Variants in PTPRT observed in about 807,000 individuals in gnomAD.
PTPRT encodes the protein receptor-type tyrosine-protein phosphatase T.
In PTPRT, 56 loss-of-function variants were observed where a neutral mutation model predicts 176.8. That is an observed-to-expected ratio of 0.32 (90% confidence interval 0.26 to 0.40). The LOEUF (loss-of-function observed/expected upper bound fraction) is 0.40. PTPRT is among the 10% of genes least tolerant of loss of function. The probability of loss-of-function intolerance (pLI) is 1.00; values close to 1 mark genes in which losing one functional copy is unlikely to be tolerated. For missense variants in PTPRT, 1,540 were observed against 1,908.2 expected (o/e 0.81, Z 3.60); for synonymous variants, 783 against 739.0 (o/e 1.06, Z -0.96).
intron 2 of PTPRT, among the ~76,000 whole-genome samples, chr20:42,841,748 T>C (rs1201425920): frequency 1.3e-5 from 2 of 152,210 alleles, no homozygotes; most frequent in Non-Finnish European, 2.9e-5. Context: ...AAGTTTGTGG[T>C]AACTATTACA....
At chr20:42,199,529 C>T in intron 15 of PTPRT, 141 bp from the exon 16 acceptor site, 1 of 973,506 alleles carries the variant, frequency 1.0e-6, no homozygotes, top group Non-Finnish European at 1.5e-6. Context: ...CAAGGCAGAA[C>T]AAACCATGAA....
At chr20:42,178,937 TA>T (rs1990405996) in intron 16 of PTPRT, among the ~76,000 whole-genome samples, 1 of 152,110 alleles carries the variant, frequency 6.6e-6, no homozygotes, top group Admixed American at 6.5e-5. Context: ...GCACCCAAGA[TA>T]AAAGCCACAG....
intron 2 of PTPRT, among the ~76,000 whole-genome samples, chr20:42,834,687 G>T (rs576140024): frequency 6.6e-6 from 1 of 151,898 alleles, no homozygotes; most frequent in African/African-American, 2.4e-5. Context: ...TTAATTCACC[G>T]TACCCCACCA....
chr20:42,585,310 A>G (rs1173068873), intron 7 of PTPRT, among the ~76,000 whole-genome samples: 3 of 152,196 alleles, frequency 2.0e-5, no homozygotes, highest in Non-Finnish European at 2.9e-5. Context: ...TGTTATTGAA[A>G]GGCTATTGAC....
At chr20:42,335,054 A>T (rs1447466108) in intron 11 of PTPRT, among the ~76,000 whole-genome samples, 2 of 152,220 alleles carry the variant, frequency 1.3e-5, no homozygotes, top group African/African-American at 4.8e-5. Context: ...GAGGTACCAC[A>T]TGTGATGAGA....
At chr20:42,586,788 A>G (rs1326836360) in intron 7 of PTPRT, among the ~76,000 whole-genome samples, 2 of 152,202 alleles carry the variant, frequency 1.3e-5, no homozygotes, top group East Asian at 3.9e-4. Context: ...GCTGAATAAT[A>G]GTTTGCTGGA....
At chr20:43,060,749 C>A (rs1363447340) in intron 1 of PTPRT, among the ~76,000 whole-genome samples, 1 of 152,146 alleles carries the variant, frequency 6.6e-6, no homozygotes, top group East Asian at 1.9e-4. Flanking sequence ...AGAAGCTCAA[C>A]ACAAAATGTT....
chr20:42,759,610 G>A (rs2076886447), intron 5 of PTPRT, among the ~76,000 whole-genome samples: 1 of 152,196 alleles, frequency 6.6e-6, no homozygotes, highest in Non-Finnish European at 1.5e-5. Flanking sequence ...GCATAGCAAG[G>A]ATGTGTGCAC....
chr20:42,857,663 G>T (rs1001494401), intron 2 of PTPRT, among the ~76,000 whole-genome samples: 3 of 152,184 alleles, frequency 2.0e-5, no homozygotes, highest in African/African-American at 4.8e-5. Context: ...TCTCCTCTCA[G>T]CTGGGCTGCC....
At chr20:42,475,724 G>A (rs756072756) in intron 7 of PTPRT, among the ~76,000 whole-genome samples, 5 of 152,228 alleles carry the variant, frequency 3.3e-5, no homozygotes, top group African/African-American at 4.8e-5. Flanking sequence ...AAAGCTGACC[G>A]CTGGCCTTTT....
intron 8 of PTPRT, among the ~76,000 whole-genome samples, chr20:42,466,942 G>C (rs2071111341): frequency 6.6e-6 from 1 of 152,246 alleles, no homozygotes; most frequent in South Asian, 2.1e-4. Context: ...AAAAGGACCT[G>C]GGAATCAGCT....
chr20:42,466,608 G>T (rs541323859), intron 8 of PTPRT, among the ~76,000 whole-genome samples: 1 of 152,228 alleles, frequency 6.6e-6, no homozygotes, highest in African/African-American at 2.4e-5. Context: ...AAAACTATGT[G>T]GATGTTGAGC....
intron 1 of PTPRT, among the ~76,000 whole-genome samples, chr20:42,906,259 A>G (rs1323438369): frequency 6.6e-6 from 1 of 152,114 alleles, no homozygotes; most frequent in Non-Finnish European, 1.5e-5. Context: ...ACTGGCAGAC[A>G]CCAGCAGATG....
chr20:42,851,410 T>C (rs1428926060), intron 2 of PTPRT, among the ~76,000 whole-genome samples: 1 of 152,212 alleles, frequency 6.6e-6, no homozygotes, highest in Non-Finnish European at 1.5e-5. Context: ...TCAACTCTAA[T>C]CATCACTGTC....
rs1377120803 is a variant in PTPRT, at chr20:42,617,947, T to C, written c.1153+59919A>G. On this transcript the variant is annotated intron_variant, in intron 7 of 30. Transcript: ENST00000373187. ...TTTGTATCTCTATTTCCTTCAGTTC[T>C]GCTCTGATTTTAGTTATTTCTTGCC... 2.2e-5 allele frequency among the ~76,000 whole-genome samples: 3 copies of C among 138,116 alleles called. 1 individual carries two copies. The highest frequency in any genetic ancestry group is 1.4e-4 in the Admixed American group (2 of 14,418). 90.6% of individuals were successfully genotyped at this position (138,116 alleles called of 152,430 possible).
intron 17 of PTPRT, 99 bp from the exon 18 acceptor site, chr20:42,142,101 A>T (rs1988658722): frequency 2.1e-6 from 2 of 952,238 alleles, no homozygotes; most frequent in South Asian, 2.6e-5. Flanking sequence ...CTGCGATGGG[A>T]CTCCTAGTGG....
At chr20:42,173,786 A>C (rs1384642863) in intron 16 of PTPRT, among the ~76,000 whole-genome samples, 1 of 152,226 alleles carries the variant, frequency 6.6e-6, no homozygotes, top group Non-Finnish European at 1.5e-5. Context: ...GGACTTTTTA[A>C]GTCTTTTAAC....
At chr20:43,180,410 A>G (rs556600467) in intron 1 of PTPRT, among the ~76,000 whole-genome samples, 16 of 143,028 alleles carry the variant, frequency 1.1e-4, no homozygotes, top group African/African-American at 3.6e-4. Context: ...TCCCTGTCAT[A>G]TATATATAGA....
chr20:42,748,383 G>A (rs1246043507), intron 6 of PTPRT, among the ~76,000 whole-genome samples: 1 of 152,144 alleles, frequency 6.6e-6, no homozygotes, highest in Non-Finnish European at 1.5e-5. Context: ...GAGGACTTGT[G>A]GAGAACGTGA....
Sources: allele counts gnomAD v4.1 joint callset (sites outside exome capture counted in the v4.1 genomes callset), GRCh38; gene constraint gnomAD v4.1.1; transcripts MANE v1.5; gene names NCBI Gene and HGNC (gene_info 2026-07-23, HGNC 2026-07-21).